TUSC3: variants seen among roughly 807,000 people sequenced by gnomAD.
The protein encoded by TUSC3 is dolichyl-diphosphooligosaccharide--protein glycosyltransferase subunit TUSC3.
TUSC3 carries 45 observed loss-of-function variants against 44.8 expected under a neutral mutation model. The ratio of observed to expected loss-of-function variants is 1.00; its 90% CI spans 0.79 to 1.29. TUSC3 has a LOEUF of 1.29. Among genes scored for constraint, TUSC3 ranks in the 50% most tolerant of loss-of-function variants. TUSC3 has a pLI of 0.00. For missense variants in TUSC3, 519 were observed against 437.9 expected (o/e 1.19, Z -1.65); for synonymous variants, 212 against 152.9 (o/e 1.39, Z -2.85).
intron 2 of TUSC3, among the ~76,000 whole-genome samples, chr8:15,641,221 C>T (rs775550851): frequency 3.3e-5 from 5 of 152,016 alleles, no homozygotes; most frequent in Non-Finnish European, 5.9e-5. Context: ...ATTAGCTGGG[C>T]GCGGTGGCAC....
At position 15,744,672 on chromosome 8, in the gene TUSC3, A is replaced by T. The variant is rs199938507; in HGVS notation, c.937+1060A>T. 8.0e-5 allele frequency among the ~76,000 whole-genome samples: 12 copies of T among 149,916 alleles called. No individual in the cohort carries two copies. In the East Asian group the frequency reaches 2.0e-3, roughly 25 times the overall value. On this transcript the variant is annotated intron_variant, in intron 8 of 10. Transcript: ENST00000503731. ...TTAGACTGCCCTCTTTTCCTATGGTATCATCTATTGTATTAAAGAAACTAC... is the reference window on the plus strand; with the variant it reads ...TTAGACTGCCCTCTTTTCCTATGGTTTCATCTATTGTATTAAAGAAACTAC...
chr8:15,764,723 G>A lies in TUSC3; in HGVS notation c.*567G>A, dbSNP rs1266708036. 1 of 153,642 alleles carries A rather than the reference G, an allele frequency of 6.5e-6. No homozygotes were observed. The highest frequency in any genetic ancestry group is 1.4e-5 in the Non-Finnish European group (1 of 69,048). 9.5% of individuals were successfully genotyped at this position (153,642 alleles called of 1,614,324 possible). A position where few individuals can be genotyped will look rare whatever the true frequency, so the allele number is the denominator to read the frequency against. ...TAAAGGTATATAGGACAGGGAACTGGATGAATGGTACCTACAATTTGGATG... is the reference window on the plus strand; with the variant it reads ...TAAAGGTATATAGGACAGGGAACTGAATGAATGGTACCTACAATTTGGATG... On this transcript the variant is annotated 3_prime_UTR_variant, in exon 11 of 11. Transcript: ENST00000503731.
the TUSC3 span, among the ~76,000 whole-genome samples, chr8:15,826,683 T>C: frequency 1.7e-3 from 261 of 152,110 alleles, 2 homozygotes; most frequent in African/African-American, 6.0e-3. Context: ...TGCTGTCACA[T>C]AGGAGTCAGC....
rs80149114 is a variant in TUSC3, at chr8:15,486,847, T to C, written n.189+3364T>C. Among the ~76,000 whole-genome samples, 120 of 152,342 alleles carry C rather than the reference T, an allele frequency of 7.9e-4. No homozygotes were observed. In the East Asian group the frequency reaches 0.02, roughly 26 times the overall value. The stretch of plus-strand genomic sequence containing the variant: ...ATTGAAGCTAGTAGCACTGCAAATA[T>C]ATCTTTAGGTCCATAAATAAGCCTG... On this transcript the variant is annotated intron_variant and non_coding_transcript_variant, in intron 2 of 5. Coordinates refer to the TUSC3 transcript ENST00000503191.
chr8:15,747,651 GAAAAT>G (rs998313409), intron 8 of TUSC3, among the ~76,000 whole-genome samples: 16 of 152,128 alleles, frequency 1.1e-4, no homozygotes, highest in African/African-American at 3.6e-4. Flanking sequence ...AAGGAAATGA[GAAAAT>G]AAAGTACTGC....
chr8:15,575,378 G>C (rs1020561919), intron 1 of TUSC3, among the ~76,000 whole-genome samples: 19 of 152,134 alleles, frequency 1.2e-4, no homozygotes, highest in African/African-American at 4.6e-4. Context: ...GAATTTTTAT[G>C]TGGCAACTAA....
At chr8:15,646,338 A>T (rs1806628794) in intron 2 of TUSC3, among the ~76,000 whole-genome samples, 1 of 152,056 alleles carries the variant, frequency 6.6e-6, no homozygotes, top group Non-Finnish European at 1.5e-5. Flanking sequence ...CAAGTTATGG[A>T]GGTTTTTGAC....
At chr8:15,630,693 C>T (rs1370944473) in intron 2 of TUSC3, among the ~76,000 whole-genome samples, 2 of 152,132 alleles carry the variant, frequency 1.3e-5, no homozygotes, top group East Asian at 3.9e-4. Flanking sequence ...CTTTTGTGTT[C>T]CTAACCAAGA....
intron 1 of TUSC3, among the ~76,000 whole-genome samples, chr8:15,466,827 G>A (rs528215780): frequency 2.0e-5 from 3 of 152,140 alleles, no homozygotes; most frequent in South Asian, 2.1e-4. Context: ...ATGTTGTGAT[G>A]GAGAGTATGA....
At chr8:15,566,806 T>C (rs1802695651) in intron 1 of TUSC3, among the ~76,000 whole-genome samples, 1 of 152,082 alleles carries the variant, frequency 6.6e-6, no homozygotes. Context: ...GTGTATGTGT[T>C]TGTGTTTGTA....
intron 2 of TUSC3, among the ~76,000 whole-genome samples, chr8:15,626,749 G>C (rs1237285877): frequency 6.6e-6 from 1 of 152,224 alleles, no homozygotes; most frequent in East Asian, 1.9e-4. Context: ...GCATGCTCAG[G>C]GTAGAGCTGA....
chr8:15,743,463 A>G, intron 7 of TUSC3, 75 bp from the exon 8 acceptor site: 4 of 1,443,954 alleles, frequency 2.8e-6, no homozygotes, highest in Non-Finnish European at 3.9e-6. Context: ...ATTCTGGAAC[A>G]TTGTGTTCAG....
chr8:15,611,209 C>T (rs541987811), intron 1 of TUSC3, among the ~76,000 whole-genome samples: 5 of 152,052 alleles, frequency 3.3e-5, no homozygotes, highest in Non-Finnish European at 5.9e-5. Flanking sequence ...TTTTTTGAGA[C>T]AGAGTCTTGC....
intron 6 of TUSC3, among the ~76,000 whole-genome samples, chr8:15,699,476 A>C (rs1487666540): frequency 6.6e-6 from 1 of 152,200 alleles, no homozygotes; most frequent in Non-Finnish European, 1.5e-5. Flanking sequence ...TCAAAATCTA[A>C]CATAAAACCT....
intron 2 of TUSC3, among the ~76,000 whole-genome samples, chr8:15,637,688 G>A (rs1038285242): frequency 6.6e-6 from 1 of 151,902 alleles, no homozygotes; most frequent in African/African-American, 2.4e-5. Context: ...TACCAGACCA[G>A]AAACCATAGT....
At chr8:15,615,782 G>A (rs1804961253) in intron 1 of TUSC3, among the ~76,000 whole-genome samples, 1 of 151,994 alleles carries the variant, frequency 6.6e-6, no homozygotes, top group African/African-American at 2.4e-5. Flanking sequence ...AGAAAATACA[G>A]GACGTTTATA....
chr8:15,694,901 C>T (rs144335097), intron 6 of TUSC3, among the ~76,000 whole-genome samples: 50 of 152,308 alleles, frequency 3.3e-4, no homozygotes, highest in African/African-American at 9.1e-4. Context: ...GGTTCACTTA[C>T]GCCAGCAGCA....
Position 15,566,560 on chromosome 8 carries a change from G to T in TUSC3, c.138+25992G>T, listed in dbSNP as rs1323031295. Among the ~76,000 whole-genome samples, 3 of 151,910 alleles carry T rather than the reference G, an allele frequency of 2.0e-5. 1 individual carries two copies. Among genetic ancestry groups the T allele is most frequent in the Non-Finnish European group, 4.4e-5 (3 of 67,984 alleles). On this transcript the variant is annotated intron_variant, in intron 1 of 10. Coordinates refer to ENST00000503731, the MANE Select transcript of TUSC3 (RefSeq NM_006765.4). ...CTTTTTTCATCATATATTCCTCAGAGGAGGTATATGTACTTGTTTATCCGA... is the reference window on the plus strand; with the variant it reads ...CTTTTTTCATCATATATTCCTCAGATGAGGTATATGTACTTGTTTATCCGA...
intron 9 of TUSC3, among the ~76,000 whole-genome samples, chr8:15,756,848 AAG>A (rs1157654046): frequency 2.0e-5 from 3 of 152,130 alleles, no homozygotes; most frequent in African/African-American, 7.2e-5. Context: ...TCGAGCTCTA[AAG>A]CTAACTATCA....
Sources: allele counts gnomAD v4.1 joint callset (sites outside exome capture counted in the v4.1 genomes callset), GRCh38; gene constraint gnomAD v4.1.1; transcripts MANE v1.5; gene names NCBI Gene and HGNC (gene_info 2026-07-23, HGNC 2026-07-21).